Variants in NEGR1 observed in about 807,000 individuals in gnomAD.
NEGR1 encodes neuronal growth regulator 1.
A neutral mutation model predicts 40.9 loss-of-function variants in NEGR1; 10 were observed. The observed-to-expected ratio is 0.24, with a 90% CI of 0.15 to 0.42. The LOEUF (loss-of-function observed/expected upper bound fraction) is 0.42. Among genes scored for constraint, NEGR1 ranks in the 10% least tolerant of loss-of-function variants. The pLI, the probability that NEGR1 is intolerant of heterozygous loss-of-function variation, is 1.00. For missense variants in NEGR1, 352 were observed against 438.9 expected (o/e 0.80, Z 1.77); for synonymous variants, 185 against 166.8 (o/e 1.11, Z -0.84).
chr1:71,899,878 G>C (rs1661098723), intron 2 of NEGR1, among the ~76,000 whole-genome samples: 1 of 152,122 alleles, frequency 6.6e-6, no homozygotes. Context: ...CAATGGTCAA[G>C]GGTCCACTCT....
chr1:71,456,964 A>G (rs1646677083), intron 6 of NEGR1, among the ~76,000 whole-genome samples: 1 of 152,136 alleles, frequency 6.6e-6, no homozygotes, highest in African/African-American at 2.4e-5. Context: ...TCTTGAATGT[A>G]TCCTGTTCTG....
At chr1:71,951,165 C>T (rs2100273230) in intron 1 of NEGR1, among the ~76,000 whole-genome samples, 1 of 151,954 alleles carries the variant, frequency 6.6e-6, no homozygotes, top group African/African-American at 2.4e-5. Flanking sequence ...GCACACTGCT[C>T]CAATAATTAG....
rs1460953599 is a variant in NEGR1, at chr1:71,635,578, T to C, written c.668-24432A>G. Among the ~76,000 whole-genome samples, 5 of 152,174 alleles carry C rather than the reference T, an allele frequency of 3.3e-5. No individual in the cohort carries two copies. The East Asian group carries it at 7.7e-4, about 24-fold the overall frequency. On this transcript the variant is annotated intron_variant, in intron 4 of 6. Transcript: ENST00000357731. ...AAAAGATGGAGATGTTAAAAATTGT[T>C]CTTGGGTTTGTGGCTAGCACAACTG...
chr1:71,837,494 T>C (rs942105094), intron 2 of NEGR1, among the ~76,000 whole-genome samples: 3 of 152,134 alleles, frequency 2.0e-5, no homozygotes, highest in Admixed American at 6.6e-5. Flanking sequence ...ATACATTTTG[T>C]TGATGTTAAA....
chr1:71,761,450 G>A (rs562983333), intron 3 of NEGR1, among the ~76,000 whole-genome samples: 12 of 152,258 alleles, frequency 7.9e-5, no homozygotes, highest in African/African-American at 2.9e-4. Context: ...TCATGGAACA[G>A]TTTCAACATC....
chr1:71,922,276 C>T (rs1254912092), intron 2 of NEGR1, among the ~76,000 whole-genome samples: 1 of 152,144 alleles, frequency 6.6e-6, no homozygotes, highest in African/African-American at 2.4e-5. Context: ...CTCCAGTCTA[C>T]AATCACTCTC....
At chr1:71,980,474 C>T (rs1246661694) in intron 1 of NEGR1, among the ~76,000 whole-genome samples, 1 of 152,048 alleles carries the variant, frequency 6.6e-6, no homozygotes, top group Non-Finnish European at 1.5e-5. Context: ...TCATTTAATT[C>T]TTCTACAGTC....
chr1:71,835,090 G>T (rs1658979567), intron 2 of NEGR1, among the ~76,000 whole-genome samples: 1 of 152,104 alleles, frequency 6.6e-6, no homozygotes, highest in South Asian at 2.1e-4. Flanking sequence ...CTGACAGTTG[G>T]CTGGCTGCCA....
At chr1:71,725,663 C>T (rs1401680480) in intron 3 of NEGR1, among the ~76,000 whole-genome samples, 1 of 152,120 alleles carries the variant, frequency 6.6e-6, no homozygotes, top group East Asian at 1.9e-4. Flanking sequence ...AATGCATCCT[C>T]ACGAAATCTC....
intron 4 of NEGR1, among the ~76,000 whole-genome samples, chr1:71,666,223 A>C (rs913395505): frequency 6.6e-6 from 1 of 152,138 alleles, no homozygotes; most frequent in East Asian, 1.9e-4. Flanking sequence ...TATTTTTTTT[A>C]CAATTTTTCT....
intron 3 of NEGR1, among the ~76,000 whole-genome samples, chr1:71,769,104 G>A (rs909838066): frequency 6.6e-6 from 1 of 151,358 alleles, no homozygotes; most frequent in Non-Finnish European, 1.5e-5. Context: ...CTAGTTTCTG[G>A]TATTTTATAG....
chr1:72,079,800 T>G (rs186616414), intron 1 of NEGR1, among the ~76,000 whole-genome samples: 1 of 152,124 alleles, frequency 6.6e-6, no homozygotes, highest in Non-Finnish European at 1.5e-5. Context: ...TATTTAAAAG[T>G]GTTCTATAAT....
At chr1:71,459,681 A>G (rs1646700278) in intron 6 of NEGR1, among the ~76,000 whole-genome samples, 1 of 152,182 alleles carries the variant, frequency 6.6e-6, no homozygotes, top group African/African-American at 2.4e-5. Flanking sequence ...CATCCATGCT[A>G]AAGGCCGTAA....
intron 3 of NEGR1, among the ~76,000 whole-genome samples, chr1:71,732,647 T>A (rs1438328526): frequency 1.3e-5 from 2 of 151,920 alleles, no homozygotes; most frequent in Non-Finnish European, 2.9e-5. Context: ...AAAAATCAAG[T>A]TTTTTTTCCT....
At chr1:72,090,770 GT>G (rs1648451091) in intron 1 of NEGR1, among the ~76,000 whole-genome samples, 1 of 152,086 alleles carries the variant, frequency 6.6e-6, no homozygotes, top group Non-Finnish European at 1.5e-5. Context: ...CTGCCTGCTT[GT>G]TTTCTCCCTG....
chr1:72,133,191 T>C (rs1368615913), intron 1 of NEGR1, among the ~76,000 whole-genome samples: 1 of 152,096 alleles, frequency 6.6e-6, no homozygotes, highest in African/African-American at 2.4e-5. Context: ...ATGTAATATA[T>C]GTAGAAAAAA....
chr1:72,254,091 C>A (rs937071172), intron 1 of NEGR1, among the ~76,000 whole-genome samples: 26 of 152,318 alleles, frequency 1.7e-4, no homozygotes, highest in African/African-American at 6.0e-4. Context: ...AAATTCTATA[C>A]ATAACCCAAG....
intron 3 of NEGR1, among the ~76,000 whole-genome samples, chr1:71,772,717 T>C (rs957969209): frequency 2.0e-5 from 3 of 152,160 alleles, no homozygotes; most frequent in Admixed American, 1.3e-4. Context: ...CGGAGATATC[T>C]AGAGATAAAA....
At chr1:72,173,748 C>T (rs1652052299) in intron 1 of NEGR1, among the ~76,000 whole-genome samples, 1 of 152,124 alleles carries the variant, frequency 6.6e-6, no homozygotes, top group African/African-American at 2.4e-5. Flanking sequence ...CGAGACAAGC[C>T]TGGCCAACAT....
Sources: gnomAD v4.1 joint callset for allele counts (sites outside exome capture counted in the v4.1 genomes callset) on GRCh38, gnomAD v4.1.1 for gene constraint, MANE v1.5 for transcripts, NCBI Gene and HGNC (gene_info 2026-07-23, HGNC 2026-07-21) for gene names.